Variants in PRKACB observed in about 807,000 individuals in gnomAD.
PRKACB encodes the protein cAMP-dependent protein kinase catalytic subunit beta.
PRKACB carries 16 observed loss-of-function variants against 51.4 expected under a neutral mutation model. That is an observed-to-expected ratio of 0.31 (90% CI 0.21 to 0.47). The LOEUF is 0.47. Ranked by LOEUF, PRKACB falls within the 20% of genes least tolerant of loss-of-function variation. PRKACB has a pLI of 1.00. For synonymous variants in PRKACB, 147 were observed against 154.4 expected, an observed-to-expected ratio of 0.95 and a Z score of 0.35; for missense variants, 309 against 464.5, an observed-to-expected ratio of 0.67 and a Z score of 3.08.
chr1:84,204,756 A>AC (rs3835687), intron 8 of PRKACB: 456,992 of 855,812 alleles, frequency 0.53, 124,932 homozygotes, highest in Non-Finnish European at 0.56. Flanking sequence ...TTTTATTTAT[A>AC]TTCATATAAG....
intron 9 of PRKACB, among the ~76,000 whole-genome samples, chr1:84,234,569 C>G (rs1676400917): frequency 6.6e-6 from 1 of 152,250 alleles, no homozygotes; most frequent in South Asian, 2.1e-4. Context: ...CAGCGAGACT[C>G]CGTGGGCGTA....
At chr1:84,104,304 G>A (rs1649566524) in intron 1 of PRKACB, among the ~76,000 whole-genome samples, 2 of 151,950 alleles carry the variant, frequency 1.3e-5, no homozygotes, top group Non-Finnish European at 2.9e-5. Context: ...ACAAATAACA[G>A]GATTTCATTC....
chr1:84,232,455 A>G (rs1241233313), intron 9 of PRKACB, among the ~76,000 whole-genome samples: 1 of 152,042 alleles, frequency 6.6e-6, no homozygotes, highest in African/African-American at 2.4e-5. Context: ...TGCAGAGCTG[A>G]GTTCAATTCC....
intron 8 of PRKACB, among the ~76,000 whole-genome samples, chr1:84,210,393 A>G (rs1185860662): frequency 6.6e-6 from 1 of 151,938 alleles, no homozygotes; most frequent in Admixed American, 6.6e-5. Flanking sequence ...TGGCTTAATG[A>G]TTTTAGACTT....
At chr1:84,099,049 G>T (rs1397404369) in intron 1 of PRKACB, among the ~76,000 whole-genome samples, 1 of 152,010 alleles carries the variant, frequency 6.6e-6, no homozygotes, top group Non-Finnish European at 1.5e-5. Flanking sequence ...GGAGTCAATG[G>T]CTAAGACAGG....
At chr1:84,137,330 T>G (rs1652928688) in intron 1 of PRKACB, among the ~76,000 whole-genome samples, 1 of 152,214 alleles carries the variant, frequency 6.6e-6, no homozygotes, top group African/African-American at 2.4e-5. Flanking sequence ...TGCAATTATA[T>G]GACATTCTGG....
intron 1 of PRKACB, among the ~76,000 whole-genome samples, chr1:84,146,846 A>T (rs1654160888): frequency 6.6e-6 from 1 of 152,034 alleles, no homozygotes; most frequent in Non-Finnish European, 1.5e-5. Flanking sequence ...TAGTGGTCTC[A>T]GGTGTTTCAT....
intron 9 of PRKACB, among the ~76,000 whole-genome samples, chr1:84,217,079 A>G (rs1323599203): frequency 9.9e-5 from 15 of 152,210 alleles, no homozygotes; most frequent in Admixed American, 9.2e-4. Context: ...CAGTATGATC[A>G]TGAACAAACG....
chr1:84,199,835 T>C (rs1382390242), intron 7 of PRKACB, among the ~76,000 whole-genome samples: 1 of 150,278 alleles, frequency 6.7e-6, no homozygotes, highest in African/African-American at 2.5e-5. Flanking sequence ...ACTATTTGTT[T>C]ATTTATTTAT....
rs563508733 is a variant in PRKACB, at chr1:84,231,052, T to A, written c.1072-4128T>A. ...TCCAGTTTTTGCCCATTCAGTATGATATTGGCTGTGGGTTTGTCATAGATA... is the reference window on the plus strand; with the variant it reads ...TCCAGTTTTTGCCCATTCAGTATGAAATTGGCTGTGGGTTTGTCATAGATA... On this transcript the variant is annotated intron_variant, in intron 9 of 9. Coordinates refer to ENST00000370685, the MANE Select transcript of PRKACB (RefSeq NM_182948.4). 1.8e-3 allele frequency among the ~76,000 whole-genome samples: 264 copies of A among 147,526 alleles called. 1 individual carries two copies. The highest frequency in any genetic ancestry group is 6.4e-3 in the African/African-American group (253 of 39,830).
At chr1:84,170,246 C>T (rs1460214566) in intron 1 of PRKACB, among the ~76,000 whole-genome samples, 2 of 151,572 alleles carry the variant, frequency 1.3e-5, no homozygotes, top group East Asian at 3.9e-4. Flanking sequence ...TTTAGGATTT[C>T]TTAGCCCCCT....
chr1:84,147,587 AG>A (rs1232822283), intron 1 of PRKACB, among the ~76,000 whole-genome samples: 1 of 152,062 alleles, frequency 6.6e-6, no homozygotes, highest in Non-Finnish European at 1.5e-5. Flanking sequence ...CCCAAAAAGA[AG>A]AGCAAACATA....
intron 1 of PRKACB, among the ~76,000 whole-genome samples, chr1:84,156,737 G>A (rs1393005235): frequency 1.3e-5 from 2 of 152,050 alleles, no homozygotes; most frequent in Non-Finnish European, 2.9e-5. Flanking sequence ...ATAAAATACC[G>A]TGATTTTAAA....
At chr1:84,189,237 C>T (rs572266181) in intron 5 of PRKACB, among the ~76,000 whole-genome samples, 2 of 151,720 alleles carry the variant, frequency 1.3e-5, no homozygotes, top group Non-Finnish European at 1.5e-5. Flanking sequence ...ATTGAGTGTA[C>T]ACTGTGTTAT....
chr1:84,210,925 CT>C (rs1672033247), intron 8 of PRKACB, among the ~76,000 whole-genome samples: 1 of 152,074 alleles, frequency 6.6e-6, no homozygotes, highest in African/African-American at 2.4e-5. Context: ...TTCACAATGA[CT>C]TTCATTATTT....
At chr1:84,164,650 AATT>A in intron 1 of PRKACB, 1 of 1,394,680 alleles carries the variant, frequency 7.2e-7, no homozygotes, top group Non-Finnish European at 9.3e-7. Context: ...ATGCTGATAT[AATT>A]GAGAACATCT....
chr1:84,234,977 C>T (rs1423271881), intron 9 of PRKACB, among the ~76,000 whole-genome samples: 3 of 152,206 alleles, frequency 2.0e-5, no homozygotes, highest in African/African-American at 7.2e-5. Context: ...TGTTGACCTG[C>T]ATACTTCCTT....
chr1:84,080,691 T>A (rs1199936169), intron 1 of PRKACB, among the ~76,000 whole-genome samples: 1 of 152,218 alleles, frequency 6.6e-6, no homozygotes, highest in African/African-American at 2.4e-5. Context: ...GTGTATTTTT[T>A]AAAGAATTAT....
chr1:84,078,342 C>T (rs1338467894), exon 1 of PRKACB: 1 of 1,612,354 alleles, frequency 6.2e-7, no homozygotes, highest in Non-Finnish European at 8.5e-7. Flanking sequence ...AACGCGGCGA[C>T]CGCCAAGAAA....
Sources: gnomAD v4.1 joint callset for allele counts (sites outside exome capture counted in the v4.1 genomes callset) on GRCh38, gnomAD v4.1.1 for gene constraint, MANE v1.5 for transcripts, NCBI Gene and HGNC (gene_info 2026-07-23, HGNC 2026-07-21) for gene names.